EGFLAM: variants seen among roughly 807,000 people sequenced by gnomAD.
EGFLAM encodes EGF like, fibronectin type III and laminin G domains.
EGFLAM carries 79 observed loss-of-function variants against 113.1 expected under a neutral mutation model. The ratio of observed to expected loss-of-function variants is 0.70; its 90% CI spans 0.58 to 0.84. The LOEUF is 0.84. EGFLAM is among the 40% of genes least tolerant of loss of function. The probability of loss-of-function intolerance (pLI) is 0.00; values close to 1 mark genes in which losing one functional copy is unlikely to be tolerated. For synonymous variants in EGFLAM, 504 were observed against 487.6 expected, an observed-to-expected ratio of 1.03 and a Z score of -0.44; for missense variants, 1,265 against 1,291.6, an observed-to-expected ratio of 0.98 and a Z score of 0.32.
At chr5:38,458,443 G>A in intron 20 of EGFLAM, 49 bp downstream of exon 20, 8 of 1,584,336 alleles carry the variant, frequency 5.0e-6, no homozygotes, top group Non-Finnish European at 6.9e-6. Flanking sequence ...AGCAGTGGTG[G>A]GATGTGGTGT....
Position 38,463,970 on chromosome 5 carries a change from CT to C in EGFLAM, c.3016del (p.Cys1006ValfsTer50), listed in dbSNP as rs760654907. The C allele has an allele frequency of 1.7e-5, 27 of 1,614,132 alleles. No homozygotes were observed. The highest frequency in any genetic ancestry group is 2.3e-5 in the Non-Finnish European group (27 of 1,180,058). On this transcript the variant is annotated frameshift_variant, in exon 22 of 22. Transcript: ENST00000322350. LOFTEE classifies it high-confidence loss of function. ...GCCGTGGATGGGAAAAACATCAACA[CT>C]TGTGGAGCCAAGTAACACCAGCTGG... ...EDAVDGKNIN[T>X]CGAK
chr5:38,337,678 G>C (rs888461736), intron 2 of EGFLAM, 49 bp downstream of exon 2: 2 of 1,457,922 alleles, frequency 1.4e-6, no homozygotes, highest in Non-Finnish European at 1.9e-6. Context: ...TCGTGTGACT[G>C]TATGTCTTTC....
intron 1 of EGFLAM, among the ~76,000 whole-genome samples, chr5:38,329,967 G>A (rs1738997780): frequency 6.6e-6 from 1 of 152,078 alleles, no homozygotes; most frequent in African/African-American, 2.4e-5. Flanking sequence ...AATAAAATAG[G>A]AGTCATACCT....
intron 16 of EGFLAM, 101 bp downstream of exon 16, chr5:38,435,354 T>C: frequency 2.3e-6 from 2 of 886,454 alleles, no homozygotes; most frequent in South Asian, 3.4e-5. Context: ...AGAAAGACAC[T>C]TTGAGAAAGT....
chr5:38,298,005 A>C (rs75172565), intron 1 of EGFLAM, among the ~76,000 whole-genome samples: 17 of 152,308 alleles, frequency 1.1e-4, no homozygotes, highest in Non-Finnish European at 2.4e-4. Context: ...CAAAATTCAC[A>C]CAGCACGTAA....
intron 6 of EGFLAM, among the ~76,000 whole-genome samples, chr5:38,381,329 AAG>A (rs1250582386): frequency 6.6e-6 from 1 of 152,158 alleles, no homozygotes; most frequent in Non-Finnish European, 1.5e-5. Context: ...GTTCAGCACA[AAG>A]AGAGGAGGTC....
intron 1 of EGFLAM, among the ~76,000 whole-genome samples, chr5:38,327,182 C>T (rs1738912976): frequency 1.3e-5 from 2 of 152,294 alleles, no homozygotes; most frequent in Admixed American, 1.3e-4. Context: ...TATTTTTAGC[C>T]TTACCCTGAA....
intron 5 of EGFLAM, among the ~76,000 whole-genome samples, chr5:38,365,291 A>C (rs1740030709): frequency 6.6e-6 from 1 of 152,198 alleles, no homozygotes; most frequent in Non-Finnish European, 1.5e-5. Flanking sequence ...CGGTTTGTGA[A>C]ACTTGTTTCA....
At chr5:38,400,788 T>A (rs1247587126) in intron 6 of EGFLAM, among the ~76,000 whole-genome samples, 1 of 152,162 alleles carries the variant, frequency 6.6e-6, no homozygotes, top group Non-Finnish European at 1.5e-5. Flanking sequence ...GAATTCTAGA[T>A]CAACTCTGCC....
At chr5:38,270,950 G>A (rs1199393174) in intron 1 of EGFLAM, among the ~76,000 whole-genome samples, 1 of 152,038 alleles carries the variant, frequency 6.6e-6, no homozygotes, top group Non-Finnish European at 1.5e-5. Flanking sequence ...ATGTATAATT[G>A]AGCTTAGGCA....
At chr5:38,303,130 C>T (rs945407278) in intron 1 of EGFLAM, among the ~76,000 whole-genome samples, 1 of 152,060 alleles carries the variant, frequency 6.6e-6, no homozygotes, top group African/African-American at 2.4e-5. Flanking sequence ...GGGATTTACC[C>T]AGCACACTCT....
chr5:38,285,064 G>T (rs1220810216), intron 1 of EGFLAM, among the ~76,000 whole-genome samples: 1 of 152,142 alleles, frequency 6.6e-6, no homozygotes, highest in African/African-American at 2.4e-5. Flanking sequence ...ATTTGGATTT[G>T]TTAGTTGATT....
intron 1 of EGFLAM, among the ~76,000 whole-genome samples, chr5:38,296,085 A>G (rs557128450): frequency 1.3e-5 from 2 of 152,156 alleles, no homozygotes; most frequent in Non-Finnish European, 2.9e-5. Flanking sequence ...CGGATGCTCA[A>G]CATGGGGATT....
chr5:38,459,555 T>A (rs985255223), intron 20 of EGFLAM, among the ~76,000 whole-genome samples: 1 of 152,182 alleles, frequency 6.6e-6, no homozygotes, highest in Admixed American at 6.5e-5. Context: ...GCAAGTTAGA[T>A]GAAGGTCCCA....
At chr5:38,455,277 T>C (rs1743052019) in intron 19 of EGFLAM, among the ~76,000 whole-genome samples, 1 of 152,244 alleles carries the variant, frequency 6.6e-6, no homozygotes, top group South Asian at 2.1e-4. Context: ...CTTGGTGCTC[T>C]GGCTCACAGC....
intron 19 of EGFLAM, among the ~76,000 whole-genome samples, chr5:38,455,040 G>A (rs974250407): frequency 6.6e-5 from 10 of 152,232 alleles, no homozygotes; most frequent in African/African-American, 2.2e-4. Flanking sequence ...ACCTACCACC[G>A]GTGGGGTTTG....
intron 6 of EGFLAM, among the ~76,000 whole-genome samples, chr5:38,405,477 A>T (rs1741255099): frequency 6.6e-6 from 1 of 152,152 alleles, no homozygotes; most frequent in African/African-American, 2.4e-5. Flanking sequence ...GTATGAAGTC[A>T]TGTGAGATTA....
At chr5:38,271,329 G>A (rs776255078) in intron 1 of EGFLAM, among the ~76,000 whole-genome samples, 10 of 152,094 alleles carry the variant, frequency 6.6e-5, no homozygotes, top group South Asian at 2.1e-4. Context: ...TGTGTTCTCC[G>A]CCTTCATTTT....
intron 1 of EGFLAM, among the ~76,000 whole-genome samples, chr5:38,283,043 C>T (rs1199166671): frequency 2.0e-5 from 3 of 152,108 alleles, no homozygotes; most frequent in African/African-American, 2.4e-5. Flanking sequence ...TTAGTAGAGA[C>T]GAGGTCTCAT....
Sources: gnomAD v4.1 joint callset for allele counts (sites outside exome capture counted in the v4.1 genomes callset) on GRCh38, gnomAD v4.1.1 for gene constraint, MANE v1.5 for transcripts, NCBI Gene and HGNC (gene_info 2026-07-23, HGNC 2026-07-21) for gene names.